Variants in HSPA12A observed in about 807,000 individuals in gnomAD.
The protein encoded by HSPA12A is heat shock protein family A (Hsp70) member 12A, also known as heat shock 70 kDa protein 12A.
HSPA12A carries 28 observed loss-of-function variants against 69.2 expected under a neutral mutation model. The ratio of observed to expected loss-of-function variants is 0.40; its 90% confidence interval spans 0.30 to 0.55. HSPA12A has a LOEUF of 0.55. Among genes scored for constraint, HSPA12A ranks in the 20% least tolerant of loss-of-function variants. The pLI is 0.38. For synonymous variants in HSPA12A, 345 were observed against 370.5 expected (o/e 0.93, Z 0.79); for missense variants, 686 against 900.7 (o/e 0.76, Z 3.05).
At chr10:116,812,432 G>A (rs550855386) in intron 2 of HSPA12A, among the ~76,000 whole-genome samples, 151 of 152,070 alleles carry the variant, frequency 9.9e-4, no homozygotes, top group African/African-American at 3.3e-3. Flanking sequence ...CAGCCTAGGC[G>A]ATCGAGTGAG....
chr10:116,752,420 T>C (rs185040547), intron 2 of HSPA12A, among the ~76,000 whole-genome samples: 4 of 152,268 alleles, frequency 2.6e-5, no homozygotes, highest in Non-Finnish European at 5.9e-5. Context: ...TCATTCAGCC[T>C]CTCTCTCACT....
At chr10:116,752,349 T>G (rs527412090) in intron 2 of HSPA12A, among the ~76,000 whole-genome samples, 1 of 152,370 alleles carries the variant, frequency 6.6e-6, no homozygotes, top group South Asian at 2.1e-4. Context: ...GGTTTCTGAA[T>G]TATCCCATAG....
At position 116,674,668 on chromosome 10, in the gene HSPA12A, T is replaced by G; in HGVS notation, c.*113A>C. On this transcript the variant is annotated 3_prime_UTR_variant, in exon 12 of 12. Transcript: ENST00000369209. ...CCCTGATTGTTCTCATCTTCCCTGC[T>G]GAAATTCACATGGGCAATGGTGAGG... 5.5e-6 allele frequency: 6 copies of G among 1,088,076 alleles called. No homozygotes were observed. Among genetic ancestry groups the G allele is most frequent in the Non-Finnish European group, 4.0e-6 (3 of 758,190 alleles). The allele number at this position is 1,088,076 out of a possible 1,614,324, so 67.4% of individuals were successfully genotyped here.
At chr10:116,728,189 C>T (rs1320968406) in intron 1 of HSPA12A, among the ~76,000 whole-genome samples, 2 of 152,156 alleles carry the variant, frequency 1.3e-5, no homozygotes, top group Admixed American at 1.3e-4. Flanking sequence ...GATCCACCCA[C>T]CTGGGCCTCC....
intron 2 of HSPA12A, among the ~76,000 whole-genome samples, chr10:116,784,937 C>T (rs543985988): frequency 1.3e-5 from 2 of 152,300 alleles, no homozygotes; most frequent in African/African-American, 2.4e-5. Flanking sequence ...TGCTCCTAGG[C>T]AGGAGCCAAC....
At chr10:116,699,050 G>A (rs1350816915) in intron 4 of HSPA12A, among the ~76,000 whole-genome samples, 1 of 152,184 alleles carries the variant, frequency 6.6e-6, no homozygotes, top group Non-Finnish European at 1.5e-5. Context: ...CAGGAAGAGA[G>A]AATAGGCAGC....
At chr10:116,784,688 C>T (rs1353784802) in intron 2 of HSPA12A, among the ~76,000 whole-genome samples, 2 of 152,236 alleles carry the variant, frequency 1.3e-5, no homozygotes, top group African/African-American at 2.4e-5. Context: ...CCACGTGTTG[C>T]CCTTGCAGTT....
At chr10:116,756,161 G>A (rs1033793614) in intron 2 of HSPA12A, among the ~76,000 whole-genome samples, 5 of 152,134 alleles carry the variant, frequency 3.3e-5, no homozygotes, top group Admixed American at 3.3e-4. Context: ...TTCCCTTAAG[G>A]CTTTATAATC....
At chr10:116,754,373 G>A (rs574566392) in intron 2 of HSPA12A, among the ~76,000 whole-genome samples, 141 of 152,250 alleles carry the variant, frequency 9.3e-4, no homozygotes, top group African/African-American at 3.1e-3. Context: ...TATTTTCTAC[G>A]TTTCCTATTT....
chr10:116,811,082 G>A (rs1018582775), intron 2 of HSPA12A, among the ~76,000 whole-genome samples: 3 of 152,160 alleles, frequency 2.0e-5, no homozygotes, highest in Non-Finnish European at 4.4e-5. Flanking sequence ...GTCAGGGAAG[G>A]CTTCCTGGAG....
chr10:116,793,218 A>G (rs1249462948), intron 2 of HSPA12A, among the ~76,000 whole-genome samples: 2 of 152,262 alleles, frequency 1.3e-5, no homozygotes, highest in African/African-American at 2.4e-5. Flanking sequence ...AGGAATAAAA[A>G]ACACTAAATA....
At chr10:116,847,586 C>T (rs769990511) in intron 1 of HSPA12A, among the ~76,000 whole-genome samples, 1 of 152,174 alleles carries the variant, frequency 6.6e-6, no homozygotes, top group Non-Finnish European at 1.5e-5. Context: ...GGTTGGTGTA[C>T]TCATTACTCA....
At chr10:116,724,922 GCCAACT>G (rs1299662329) in intron 1 of HSPA12A, among the ~76,000 whole-genome samples, 1 of 152,130 alleles carries the variant, frequency 6.6e-6, no homozygotes, top group African/African-American at 2.4e-5. Context: ...GACCCTGAAG[GCCAACT>G]CTCTGCCTGG....
At chr10:116,805,842 A>G (rs1226510507) in intron 2 of HSPA12A, among the ~76,000 whole-genome samples, 1 of 152,218 alleles carries the variant, frequency 6.6e-6, no homozygotes, top group Non-Finnish European at 1.5e-5. Context: ...CAATTAGAAA[A>G]GGTGTCAGGT....
At chr10:116,753,531 C>A (rs1432741467) in intron 2 of HSPA12A, among the ~76,000 whole-genome samples, 2 of 152,214 alleles carry the variant, frequency 1.3e-5, no homozygotes, top group African/African-American at 4.8e-5. Context: ...CATACTTATT[C>A]TTCCTGCCTC....
Position 116,838,485 on chromosome 10 carries a change from G to A in HSPA12A, c.4-3463C>T, listed in dbSNP as rs116479021. On this transcript the variant is annotated intron_variant, in intron 1 of 12. Transcript: ENST00000635765. ...CAAGCCAAACACACACATCATCAGT[G>A]GAATGAATGTCAAATCTGACAACAG... Among the ~76,000 whole-genome samples the A allele has an allele frequency of 4.7e-3, 717 of 152,254 alleles. 4 individuals are homozygous for A. Among genetic ancestry groups the A allele is most frequent in the African/African-American group, 0.017 (695 of 41,534 alleles).
At chr10:116,697,345 A>C (rs2132954048) in intron 5 of HSPA12A, among the ~76,000 whole-genome samples, 1 of 152,066 alleles carries the variant, frequency 6.6e-6, no homozygotes, top group South Asian at 2.1e-4. Flanking sequence ...TTCCACTTCA[A>C]AATTAGATGC....
intron 2 of HSPA12A, among the ~76,000 whole-genome samples, chr10:116,823,841 T>C (rs1267682617): frequency 2.0e-5 from 3 of 152,200 alleles, no homozygotes; most frequent in South Asian, 2.1e-4. Context: ...TGTGGCCTTA[T>C]GTTAGCAATG....
At chr10:116,821,057 C>T (rs988163129) in intron 2 of HSPA12A, among the ~76,000 whole-genome samples, 42 of 152,316 alleles carry the variant, frequency 2.8e-4, no homozygotes, top group Non-Finnish European at 3.7e-4. Context: ...AAATTCACAT[C>T]TGTTCCATCT....
Sources: allele counts gnomAD v4.1 joint callset (sites outside exome capture counted in the v4.1 genomes callset), GRCh38; gene constraint gnomAD v4.1.1; transcripts MANE v1.5; gene names NCBI Gene and HGNC (gene_info 2026-07-23, HGNC 2026-07-21).